Variants in AOX1 observed in about 807,000 individuals in gnomAD.
The protein encoded by AOX1 is aldehyde oxidase.
In AOX1, 153 loss-of-function variants were observed where a neutral mutation model predicts 169.5. The ratio of observed to expected loss-of-function variants is 0.90; its 90% CI spans 0.79 to 1.03. AOX1 has a LOEUF of 1.03. AOX1 is among the 50% of genes least tolerant of loss of function. The pLI is 0.00. For missense variants in AOX1, 1,656 were observed against 1,663.9 expected (o/e 1.00, Z 0.08); for synonymous variants, 562 against 581.9 (o/e 0.97, Z 0.49).
chr2:200,615,832 G>A, intron 15 of AOX1, 139 bp from the exon 16 acceptor site: 1 of 625,484 alleles, frequency 1.6e-6, no homozygotes, highest in South Asian at 2.0e-5. Context: ...TATTTCTGGG[G>A]TTCTGAATAG....
intron 3 of AOX1, among the ~76,000 whole-genome samples, chr2:200,596,886 C>G (rs1425864596): frequency 6.6e-6 from 1 of 152,194 alleles, no homozygotes; most frequent in Non-Finnish European, 1.5e-5. Context: ...GTGGCAGTCT[C>G]TTACAACTCT....
intron 25 of AOX1, among the ~76,000 whole-genome samples, chr2:200,649,140 C>T (rs991138197): frequency 1.3e-4 from 20 of 152,122 alleles, no homozygotes; most frequent in African/African-American, 4.8e-4. Flanking sequence ...CAAAGTTCAG[C>T]TAGAGATTTC....
At chr2:200,599,573 G>C in intron 4 of AOX1, 47 bp from the exon 5 acceptor site, 3 of 1,543,112 alleles carry the variant, frequency 1.9e-6, no homozygotes, top group Non-Finnish European at 2.6e-6. Context: ...CATTAGGCCT[G>C]GGATGGGGCC....
rs949455888 is a variant in AOX1, at chr2:200,638,090, G to A, written c.2481-125G>A. 9 of 769,274 alleles carry A rather than the reference G, an allele frequency of 1.2e-5. No individual in the cohort carries two copies. The African/African-American group carries it at 1.2e-4, about 10-fold the overall frequency. 47.7% of individuals were successfully genotyped at this position (769,274 alleles called of 1,614,324 possible). On this transcript the variant is annotated intron_variant, in intron 22 of 34. Coordinates refer to ENST00000374700, the MANE Select transcript of AOX1 (RefSeq NM_001159.4). ...TGAGATCAGCAGAGGATAGGCATGC[G>A]AAATAGTTGTGTTGTTCTGTGAGGC...
rs751874715 is a variant in AOX1 at position 200,627,358 on chromosome 2, T to C, written c.2130T>C (p.Ser710=). The C allele has an allele frequency of 3.7e-6, 6 of 1,612,044 alleles. No homozygotes were observed. In the African/African-American group the frequency reaches 5.3e-5, roughly 14 times the overall value. Residue 710 remains serine (S), a synonymous_variant, in exon 20 of 35, where the codon AGT becomes AGC. Coordinates refer to ENST00000374700, the MANE Select transcript of AOX1 (RefSeq NM_001159.4). ...TTCCTCTGTTCTCTTTCTAGGAAAG[T>C]ATACAACACAACTCCTCCTTCAAGC... ...LEPLILTIEE[S]IQHNSSFKPE...
At chr2:200,628,011 T>G (rs1392941659) in intron 20 of AOX1, among the ~76,000 whole-genome samples, 1 of 152,184 alleles carries the variant, frequency 6.6e-6, no homozygotes, top group Non-Finnish European at 1.5e-5. Flanking sequence ...TTCTTTGCTG[T>G]ATGTATGTAT....
At chr2:200,655,094 A>G (rs1406962726) in intron 26 of AOX1, among the ~76,000 whole-genome samples, 2 of 152,254 alleles carry the variant, frequency 1.3e-5, no homozygotes, top group African/African-American at 2.4e-5. Context: ...TTGCGAGCCA[A>G]GGAGGCCAAA....
At chr2:200,614,075 C>T in intron 15 of AOX1, 109 bp downstream of exon 15, 1 of 1,074,056 alleles carries the variant, frequency 9.3e-7, no homozygotes, top group Non-Finnish European at 1.3e-6. Context: ...AAAGACAATC[C>T]ACATTAGAAA....
At chr2:200,662,777 T>A (rs2035852523) in intron 30 of AOX1, 78 bp from the exon 31 acceptor site, 1 of 1,121,848 alleles carries the variant, frequency 8.9e-7, no homozygotes, top group African/African-American at 1.5e-5. Flanking sequence ...CTTGCATAAA[T>A]CCTCATGGGT....
chr2:200,677,214 G>A (rs976326188), downstream of AOX1: 5 of 223,744 alleles, frequency 2.2e-5, no homozygotes, highest in Non-Finnish European at 3.6e-5. Context: ...AAGGGGAGGA[G>A]AGAAGGAGGG....
In AOX1 at chr2:200,645,090, G is replaced by C. The variant is rs2035424015; in HGVS notation, c.2847+2289G>C. On this transcript the variant is annotated intron_variant, in intron 25 of 34. Coordinates refer to ENST00000374700, the MANE Select transcript of AOX1 (RefSeq NM_001159.4). Reference sequence around the variant, plus strand: ...GGATTTCCAGTACCATATTGAAGAAGAGTGGTGAGAGTGGGCCTCCTTGTC... The same window carrying C: ...GGATTTCCAGTACCATATTGAAGAACAGTGGTGAGAGTGGGCCTCCTTGTC... Among the ~76,000 whole-genome samples, 3 of 152,100 alleles carry C rather than the reference G, an allele frequency of 2.0e-5. No individual in the cohort carries two copies. The South Asian group carries it at 6.2e-4, about 32-fold the overall frequency.
chr2:200,590,205 G>T (rs2034139495), intron 1 of AOX1, among the ~76,000 whole-genome samples: 1 of 151,630 alleles, frequency 6.6e-6, no homozygotes, highest in Admixed American at 6.6e-5. Context: ...CTCTGTCTTG[G>T]ATCTGGCAGG....
intron 31 of AOX1, among the ~76,000 whole-genome samples, chr2:200,665,095 G>C (rs1025811992): frequency 6.6e-6 from 1 of 152,222 alleles, no homozygotes; most frequent in Non-Finnish European, 1.5e-5. Flanking sequence ...ATACCTCTTT[G>C]TAGGCTGCCT....
intron 26 of AOX1, among the ~76,000 whole-genome samples, chr2:200,653,647 G>A (rs1429258266): frequency 6.6e-6 from 1 of 152,176 alleles, no homozygotes; most frequent in Non-Finnish European, 1.5e-5. Flanking sequence ...CAGCTGAGGG[G>A]GTCAAACGTG....
At chr2:200,680,021 G>C (rs942932865), downstream of AOX1, among the ~76,000 whole-genome samples, 1 of 152,172 alleles carries the variant, frequency 6.6e-6, no homozygotes, top group Admixed American at 6.5e-5. Flanking sequence ...TGAGGCTGCA[G>C]TGAGCTATGA....
chr2:200,598,893 T>C (rs547072096), intron 4 of AOX1, among the ~76,000 whole-genome samples: 1 of 152,346 alleles, frequency 6.6e-6, no homozygotes, highest in South Asian at 2.1e-4. Context: ...TCTGTTTATT[T>C]GAAAGATCAT....
At chr2:200,588,725 G>GTTTTTTTTTTTT (rs1247445142) in intron 1 of AOX1, among the ~76,000 whole-genome samples, 1 of 40,888 alleles carries the variant, frequency 2.4e-5, no homozygotes, top group Non-Finnish European at 6.6e-5. Flanking sequence ...ACTAGAATAA[G>GTTTTTTTTTTTT]CTTTTTTTTT....
Position 200,586,129 on chromosome 2 carries a change from G to GCT in AOX1, c.24_25dup (p.Phe9SerfsTer4). 6.4e-7 allele frequency: 1 copy of GCT among 1,566,144 alleles called. No homozygotes were observed. Among genetic ancestry groups the GCT allele is most frequent in the African/African-American group, 1.4e-5 (1 of 73,902 alleles). On this transcript the variant is annotated frameshift_variant, in exon 1 of 35. Transcript: ENST00000374700. LOFTEE classifies it high-confidence loss of function. ...CCACAATGGACCGGGCGTCCGAGCTGCTCTTCTACGTGAACGGCCGCAAGG... is the reference window on the plus strand; with the variant it reads ...CCACAATGGACCGGGCGTCCGAGCTGCTCTCTTCTACGTGAACGGCCGCAAGG...
chr2:200,669,071 G>T (rs748470788), intron 33 of AOX1, among the ~76,000 whole-genome samples: 2 of 152,090 alleles, frequency 1.3e-5, no homozygotes, highest in Non-Finnish European at 2.9e-5. Flanking sequence ...ATCATCTTCT[G>T]TATGTAGGTC....
Sources: allele counts gnomAD v4.1 joint callset (sites outside exome capture counted in the v4.1 genomes callset), GRCh38; gene constraint gnomAD v4.1.1; transcripts MANE v1.5; gene names NCBI Gene and HGNC (gene_info 2026-07-23, HGNC 2026-07-21).